FNTA: variants seen among roughly 807,000 people sequenced by gnomAD.
FNTA encodes protein farnesyltransferase/geranylgeranyltransferase type-1 subunit alpha.
Under a neutral mutation model 55.2 loss-of-function variants are expected in FNTA, and 27 were observed. That is an observed-to-expected ratio of 0.49 (90% CI 0.36 to 0.67). FNTA has a LOEUF of 0.67. Ranked by LOEUF, FNTA falls within the 30% of genes least tolerant of loss-of-function variation. FNTA has a pLI of 0.00. For synonymous variants in FNTA, 176 were observed against 170.7 expected, an observed-to-expected ratio of 1.03 and a Z score of -0.24; for missense variants, 422 against 464.7, an observed-to-expected ratio of 0.91 and a Z score of 0.85.
In FNTA at chr8:43,074,927, A is replaced by G. The variant is rs966122358; in HGVS notation, c.634-2289A>G. Among the ~76,000 whole-genome samples, 15 of 152,276 alleles carry G rather than the reference A, an allele frequency of 9.9e-5. No homozygotes were observed. The East Asian group carries it at 2.1e-3, about 22-fold the overall frequency. On this transcript the variant is annotated intron_variant, in intron 5 of 8. Coordinates refer to ENST00000302279, the MANE Select transcript of FNTA (RefSeq NM_002027.3). ...CACATACCCACAAGTGAGTACATGT[A>G]AGATCTGAATAAGGTGAGCGGTTCC... is the stretch of plus-strand genomic sequence containing the variant.
intron 1 of FNTA, 115 bp from the exon 2 acceptor site, chr8:43,058,977 G>A (rs931162832): frequency 1.4e-6 from 1 of 715,764 alleles, no homozygotes. Context: ...TACATTATGA[G>A]CCCTGTAAGT....
intron 6 of FNTA, 174 bp from the exon 7 acceptor site, chr8:43,082,944 G>A: frequency 2.5e-6 from 1 of 396,552 alleles, no homozygotes; most frequent in South Asian, 3.1e-5. Flanking sequence ...TACTCGGGAG[G>A]CTGAGGCAGG....
chr8:43,083,032 C>T, intron 6 of FNTA, 86 bp from the exon 7 acceptor site: 1 of 749,768 alleles, frequency 1.3e-6, no homozygotes, highest in Non-Finnish European at 2.2e-6. Flanking sequence ...GGTGACAGAG[C>T]AAGACTCCGT....
chr8:43,069,630 T>C lies in FNTA; in HGVS notation c.477T>C (p.Ile159=), dbSNP rs982963861. 2 of 1,612,936 alleles carry C rather than the reference T, an allele frequency of 1.2e-6. No homozygotes were observed. The highest frequency in any genetic ancestry group is 1.7e-6 in the Non-Finnish European group (2 of 1,179,216). ...AAATGAACTACATCACTGCAATAATTGAGGAGCAGCCCAAAAACTATCAAG... is the reference window on the plus strand; with the variant it reads ...AAATGAACTACATCACTGCAATAATCGAGGAGCAGCCCAAAAACTATCAAG... ...HEEMNYITAI[I]EEQPKNYQVW... Residue 159 remains isoleucine, a synonymous_variant, in exon 4 of 9, where the codon ATT becomes ATC. Transcript: ENST00000302279.
At chr8:43,065,170 A>C (rs577681577) in intron 3 of FNTA, among the ~76,000 whole-genome samples, 1 of 151,872 alleles carries the variant, frequency 6.6e-6, no homozygotes, top group African/African-American at 2.4e-5. Context: ...CTTCTGTGAA[A>C]GATAGTTCAT....
chr8:43,073,019 TGAATA>T (rs1810829454), intron 5 of FNTA, among the ~76,000 whole-genome samples: 1 of 152,226 alleles, frequency 6.6e-6, no homozygotes, highest in Non-Finnish European at 1.5e-5. Flanking sequence ...TGCTAAATTC[TGAATA>T]GAATAGTTGT....
intron 5 of FNTA, among the ~76,000 whole-genome samples, chr8:43,074,368 CA>C (rs71550443): frequency 0.023 from 3,460 of 152,076 alleles, 61 homozygotes; most frequent in Non-Finnish European, 0.031. Flanking sequence ...ACAAAAAATA[CA>C]AAAAAATGAG....
chr8:43,074,161 A>G (rs1810856385), intron 5 of FNTA, among the ~76,000 whole-genome samples: 1 of 152,178 alleles, frequency 6.6e-6, no homozygotes, highest in African/African-American at 2.4e-5. Flanking sequence ...CCAACCGATC[A>G]CAGATTGGAT....
chr8:43,060,932 A>G (rs1455896119), intron 2 of FNTA, among the ~76,000 whole-genome samples: 1 of 152,206 alleles, frequency 6.6e-6, no homozygotes, highest in African/African-American at 2.4e-5. Context: ...TAATCAAAAA[A>G]TGGACAAAGG....
intron 7 of FNTA, among the ~76,000 whole-genome samples, chr8:43,083,762 G>A (rs1241105736): frequency 6.6e-6 from 1 of 152,202 alleles, no homozygotes; most frequent in Admixed American, 6.5e-5. Context: ...GAGCTCGAGG[G>A]ATGAGAAGCC....
intron 5 of FNTA, 111 bp downstream of exon 5, chr8:43,072,418 C>A: frequency 1.5e-6 from 1 of 672,380 alleles, no homozygotes; most frequent in Non-Finnish European, 2.2e-6. Flanking sequence ...TAGATCATTG[C>A]ACCCAATATA....
intron 2 of FNTA, chr8:43,063,132 C>T: frequency 2.9e-6 from 1 of 340,476 alleles, no homozygotes; most frequent in Non-Finnish European, 5.8e-6. Context: ...GTCACCCAGG[C>T]TCGGTGCTTG....
At chr8:43,072,370 T>A in intron 5 of FNTA, 63 bp downstream of exon 5, 1 of 1,265,432 alleles carries the variant, frequency 7.9e-7, no homozygotes, top group Non-Finnish European at 1.1e-6. Flanking sequence ...ATAAAATTAC[T>A]CTTAAAGTCT....
chr8:43,056,673 G>A, intron 1 of FNTA, 127 bp downstream of exon 1: 1 of 520,412 alleles, frequency 1.9e-6, no homozygotes, highest in Non-Finnish European at 2.8e-6. Context: ...GTGGGCCGGT[G>A]CATGGCGCTG....
At chr8:43,082,453 C>T (rs894276307) in intron 6 of FNTA, 1 of 152,182 alleles carries the variant, frequency 6.6e-6, no homozygotes, top group Non-Finnish European at 1.5e-5. Flanking sequence ...GTAAGTAGAG[C>T]TTAGACTGTT....
intron 5 of FNTA, 87 bp from the exon 6 acceptor site, chr8:43,077,128 AC>A: frequency 1.1e-6 from 1 of 915,066 alleles, no homozygotes; most frequent in Non-Finnish European, 1.6e-6. Context: ...CCTCAGTTCT[AC>A]CTTCTTTGTT....
chr8:43,062,834 C>A (rs911816241), intron 2 of FNTA, among the ~76,000 whole-genome samples: 1 of 152,200 alleles, frequency 6.6e-6, no homozygotes. Context: ...TAGCACAGAT[C>A]CCACAGGCCA....
At chr8:43,064,439 A>G (rs1810607679) in intron 3 of FNTA, among the ~76,000 whole-genome samples, 1 of 151,650 alleles carries the variant, frequency 6.6e-6, no homozygotes, top group Non-Finnish European at 1.5e-5. Flanking sequence ...CAGCCTTCTG[A>G]GTAGCTGGGA....
chr8:43,064,207 T>C lies in FNTA; in HGVS notation c.393T>C (p.Tyr131=). 6.3e-7 allele frequency: 1 copy of C among 1,595,064 alleles called. No individual in the cohort carries two copies. The highest frequency in any genetic ancestry group is 1.7e-4 in the Middle Eastern group (1 of 6,010). ...RDAIELNAAN[Y]TVWHFRRVLL... ...CTATTGAGTTAAATGCAGCCAATTA[T>C]ACAGTGTGGTAAGTAATACACATCA... The change falls in exon 3 of 9, where the codon TAT becomes TAC. Residue 131 remains tyrosine (Y), a synonymous_variant. Coordinates refer to ENST00000302279, the MANE Select transcript of FNTA (RefSeq NM_002027.3).
Sources: gnomAD v4.1 joint callset for allele counts (sites outside exome capture counted in the v4.1 genomes callset) on GRCh38, gnomAD v4.1.1 for gene constraint, MANE v1.5 for transcripts, NCBI Gene and HGNC (gene_info 2026-07-23, HGNC 2026-07-21) for gene names.